PIGK: variants seen among roughly 807,000 people sequenced by gnomAD.
PIGK encodes phosphatidylinositol glycan anchor biosynthesis class K.
PIGK carries 42 observed loss-of-function variants against 50.6 expected under a neutral mutation model. The observed-to-expected ratio is 0.83, with a 90% CI of 0.65 to 1.07. The LOEUF is 1.07. Ranked by LOEUF, PIGK falls within the 50% of genes least tolerant of loss-of-function variation. The pLI is 0.00. For missense variants in PIGK, 448 were observed against 488.7 expected (o/e 0.92, Z 0.78); for synonymous variants, 151 against 156.0 (o/e 0.97, Z 0.24).
intron 3 of PIGK, among the ~76,000 whole-genome samples, chr1:77,174,604 C>T (rs1655440638): frequency 6.6e-6 from 1 of 152,114 alleles, no homozygotes; most frequent in Non-Finnish European, 1.5e-5. Flanking sequence ...CAGCTCTGCA[C>T]ATTTGGATCA....
chr1:77,118,249 T>A (rs1304111607), intron 10 of PIGK, among the ~76,000 whole-genome samples: 1 of 152,170 alleles, frequency 6.6e-6, no homozygotes, highest in Non-Finnish European at 1.5e-5. Flanking sequence ...TTTCTTTCTT[T>A]CTTTTTGAGA....
intron 3 of PIGK, among the ~76,000 whole-genome samples, chr1:77,185,888 T>C (rs1655727197): frequency 6.6e-6 from 1 of 152,164 alleles, no homozygotes; most frequent in Admixed American, 6.5e-5. Context: ...TATTCTCCTT[T>C]TGAGAGACAG....
chr1:77,159,091 C>T (rs963816102), intron 8 of PIGK, among the ~76,000 whole-genome samples: 9 of 152,064 alleles, frequency 5.9e-5, no homozygotes, highest in Non-Finnish European at 1.2e-4. Flanking sequence ...GGCCTAGGAC[C>T]CCCTGCACTG....
At chr1:77,135,757 A>G (rs1329391463) in intron 9 of PIGK, among the ~76,000 whole-genome samples, 3 of 151,846 alleles carry the variant, frequency 2.0e-5, no homozygotes, top group Admixed American at 2.0e-4. Context: ...CTCACTGTCT[A>G]AAGCTATTAA....
intron 3 of PIGK, among the ~76,000 whole-genome samples, chr1:77,169,701 G>T (rs956340388): frequency 6.6e-6 from 1 of 152,078 alleles, no homozygotes; most frequent in Non-Finnish European, 1.5e-5. Context: ...CTTATGAACA[G>T]AATTTCAAGT....
intron 1 of PIGK, among the ~76,000 whole-genome samples, chr1:77,211,440 G>T (rs969482450): frequency 2.0e-5 from 3 of 151,928 alleles, no homozygotes; most frequent in African/African-American, 7.2e-5. Flanking sequence ...GTTGTACTCT[G>T]ATAATTCCTC....
At chr1:77,174,426 T>A (rs1655435949) in intron 3 of PIGK, among the ~76,000 whole-genome samples, 1 of 152,210 alleles carries the variant, frequency 6.6e-6, no homozygotes, top group South Asian at 2.1e-4. Context: ...AGTGGATAGA[T>A]CCCTCTCAAA....
chr1:77,203,036 G>C (rs373985911), intron 3 of PIGK, among the ~76,000 whole-genome samples: 55 of 152,166 alleles, frequency 3.6e-4, no homozygotes, highest in Middle Eastern at 3.2e-3. Context: ...TAGTGTTAAA[G>C]ATATGTATAT....
chr1:77,132,179 A>G (rs1211939966), intron 9 of PIGK, among the ~76,000 whole-genome samples: 1 of 151,988 alleles, frequency 6.6e-6, no homozygotes, highest in Non-Finnish European at 1.5e-5. Context: ...GCACATTTTT[A>G]GGTTATGTTT....
intron 5 of PIGK, among the ~76,000 whole-genome samples, chr1:77,164,984 G>A (rs935953127): frequency 2.0e-5 from 3 of 151,938 alleles, no homozygotes; most frequent in Non-Finnish European, 4.4e-5. Context: ...AATATTTTTG[G>A]CTTGTGAGCC....
intron 10 of PIGK, among the ~76,000 whole-genome samples, chr1:77,109,983 C>G (rs1259074701): frequency 6.6e-6 from 1 of 152,176 alleles, no homozygotes; most frequent in South Asian, 2.1e-4. Context: ...AACAGAGAGC[C>G]AAATCATGAG....
In PIGK at chr1:77,089,550, C is replaced by T. The variant is rs1029187933; in HGVS notation, c.*2824G>A. The T allele has an allele frequency of 6.6e-6, 1 of 152,460 alleles. No individual in the cohort carries two copies. The highest frequency in any genetic ancestry group is 2.4e-5 in the African/African-American group (1 of 41,374). The allele number at this position is 152,460 out of a possible 1,614,324, so 9.4% of individuals were successfully genotyped here. On this transcript the variant is annotated 3_prime_UTR_variant, in exon 11 of 11. Transcript: ENST00000370812. ...CCACAGTAACTGTAACTCTGGTATA[C>T]AACATACATAATGGAAGAAATGTTA... is the stretch of plus-strand genomic sequence containing the variant.
chr1:77,174,422 T>C (rs760846602), intron 3 of PIGK, among the ~76,000 whole-genome samples: 5 of 152,222 alleles, frequency 3.3e-5, no homozygotes, highest in Non-Finnish European at 7.3e-5. Context: ...TAAAAGTGGA[T>C]AGATCCCTCT....
intron 10 of PIGK, among the ~76,000 whole-genome samples, chr1:77,119,880 TCC>T (rs1654056266): frequency 3.3e-5 from 2 of 59,830 alleles, no homozygotes; most frequent in African/African-American, 4.1e-4. Flanking sequence ...ACGTTATCTA[TCC>T]ATTTATCTAT....
At chr1:77,131,703 A>G (rs4949769) in intron 9 of PIGK, among the ~76,000 whole-genome samples, 26,823 of 152,092 alleles carry the variant, frequency 0.18, 2,572 homozygotes, top group East Asian at 0.36. Flanking sequence ...GATGAAATAC[A>G]CTAGTATATT....
intron 10 of PIGK, among the ~76,000 whole-genome samples, 168 bp downstream of exon 10, chr1:77,122,107 T>C (rs1168526922): frequency 6.6e-6 from 1 of 152,152 alleles, no homozygotes; most frequent in Admixed American, 6.5e-5. Flanking sequence ...TTTAATATTG[T>C]GCTTTGAATG....
intron 10 of PIGK, among the ~76,000 whole-genome samples, chr1:77,105,215 C>A (rs2100514203): frequency 6.6e-6 from 1 of 152,144 alleles, no homozygotes; most frequent in South Asian, 2.1e-4. Context: ...TCAGCCGTCT[C>A]CCTCGAAGTC....
At chr1:77,171,860 T>C (rs921805316) in intron 3 of PIGK, among the ~76,000 whole-genome samples, 1 of 152,162 alleles carries the variant, frequency 6.6e-6, no homozygotes, top group Non-Finnish European at 1.5e-5. Context: ...ATAACAGTAC[T>C]TAAGCATATA....
At chr1:77,120,854 A>C (rs1654081083) in intron 10 of PIGK, among the ~76,000 whole-genome samples, 1 of 152,210 alleles carries the variant, frequency 6.6e-6, no homozygotes, top group South Asian at 2.1e-4. Flanking sequence ...AAATTAACAA[A>C]GTCTCTTGTA....
Sources: gnomAD v4.1 joint callset for allele counts (sites outside exome capture counted in the v4.1 genomes callset) on GRCh38, gnomAD v4.1.1 for gene constraint, MANE v1.5 for transcripts, NCBI Gene and HGNC (gene_info 2026-07-23, HGNC 2026-07-21) for gene names.